The following CTIF variants were observed in gnomAD, a reference collection of about 807,000 sequenced individuals.
The protein encoded by CTIF is cap binding complex dependent translation initiation factor.
In CTIF, 21 loss-of-function variants were observed where a neutral mutation model predicts 66.0. The observed-to-expected ratio is 0.32, with a 90% CI of 0.23 to 0.46. CTIF has a LOEUF of 0.46. CTIF is among the 20% of genes least tolerant of loss of function. CTIF has a pLI of 1.00. For synonymous variants in CTIF, 345 were observed against 326.4 expected (o/e 1.06, Z -0.62); for missense variants, 739 against 812.7 (o/e 0.91, Z 1.10).
chr18:48,696,984 G>A (rs561507554), intron 6 of CTIF, among the ~76,000 whole-genome samples: 1 of 152,354 alleles, frequency 6.6e-6, no homozygotes, highest in East Asian at 1.9e-4. Flanking sequence ...TTTAACTGAA[G>A]GAGAGCTAGC....
chr18:48,597,063 G>A (rs919318007), intron 1 of CTIF, among the ~76,000 whole-genome samples: 20 of 152,208 alleles, frequency 1.3e-4, no homozygotes, highest in Admixed American at 6.5e-5. Context: ...ATGCTGAGTG[G>A]GTGGAATAAG....
chr18:48,798,446 C>T (rs2067977836), intron 9 of CTIF, among the ~76,000 whole-genome samples: 1 of 152,182 alleles, frequency 6.6e-6, no homozygotes, highest in Admixed American at 6.5e-5. Flanking sequence ...CTGTTCTCTA[C>T]AAGTGGGAAA....
chr18:48,778,104 C>A (rs933095250), intron 9 of CTIF, among the ~76,000 whole-genome samples: 2 of 152,044 alleles, frequency 1.3e-5, no homozygotes, highest in Non-Finnish European at 2.9e-5. Context: ...TAGCAGCCAC[C>A]CGTTAGGATG....
intron 9 of CTIF, among the ~76,000 whole-genome samples, chr18:48,768,697 G>A (rs1909817625): frequency 6.6e-6 from 1 of 152,094 alleles, no homozygotes; most frequent in African/African-American, 2.4e-5. Context: ...ATTGCTTGAG[G>A]CCAGGAGTTT....
chr18:48,688,316 T>G (rs528890721), intron 6 of CTIF: 82 of 152,356 alleles, frequency 5.4e-4, no homozygotes, highest in African/African-American at 2.0e-3. Context: ...TGTTGTCACC[T>G]CAGCCCCTGA....
intron 3 of CTIF, among the ~76,000 whole-genome samples, chr18:48,652,530 T>A (rs2091175638): frequency 6.6e-6 from 1 of 152,160 alleles, no homozygotes; most frequent in Admixed American, 6.5e-5. Context: ...GCCAGACAGA[T>A]TCACAGCTGA....
chr18:48,683,676 C>G (rs1440816021), intron 6 of CTIF, among the ~76,000 whole-genome samples: 3 of 152,188 alleles, frequency 2.0e-5, no homozygotes, highest in African/African-American at 7.2e-5. Flanking sequence ...AGGCCCTGCT[C>G]TCTCTCCAGA....
intron 2 of CTIF, among the ~76,000 whole-genome samples, chr18:48,623,906 CAGAT>C (rs962755894): frequency 2.4e-4 from 36 of 148,602 alleles, no homozygotes; most frequent in African/African-American, 9.2e-4. Context: ...GATAGACAGA[CAGAT>C]AGATAATACA....
chr18:48,837,527 C>G (rs1271681575), intron 10 of CTIF, among the ~76,000 whole-genome samples: 1 of 152,088 alleles, frequency 6.6e-6, no homozygotes, highest in African/African-American at 2.4e-5. Flanking sequence ...GCACCTGAGC[C>G]TGGGTGAGCC....
rs2069516742 is a variant in CTIF, at chr18:48,863,136, C to G, written c.*3577C>G. The G allele has an allele frequency of 6.6e-6, 1 of 152,276 alleles. No individual in the cohort carries two copies. The highest frequency in any genetic ancestry group is 1.5e-5 in the Non-Finnish European group (1 of 68,058). The allele number at this position is 152,276 out of a possible 1,614,324, so 9.4% of individuals were successfully genotyped here. On this transcript the variant is annotated 3_prime_UTR_variant, in exon 12 of 12. Transcript: ENST00000256413. ...AACCCCGCTAGTGCGACCACCCTCCCTCCGTCGGTATGTCCTGCTTTCCAG... is the reference window on the plus strand; with the variant it reads ...AACCCCGCTAGTGCGACCACCCTCCGTCCGTCGGTATGTCCTGCTTTCCAG...
chr18:48,571,730 C>A (rs1409030482), intron 1 of CTIF, among the ~76,000 whole-genome samples: 1 of 152,028 alleles, frequency 6.6e-6, no homozygotes. Context: ...GGGTGGTTCC[C>A]AGTCTTTTGC....
At position 48,591,963 on chromosome 18, in the gene CTIF, G is replaced by T. The variant is rs144442636; in HGVS notation, c.-28-27575G>T. ...GATGGGATCTCACTTTGCTGCCCCAGCTGGTCTCAAGTTCCTGGCTGCAAG... is the reference window on the plus strand; with the variant it reads ...GATGGGATCTCACTTTGCTGCCCCATCTGGTCTCAAGTTCCTGGCTGCAAG... On this transcript the variant is annotated intron_variant, in intron 1 of 11. Transcript: ENST00000256413. Among the ~76,000 whole-genome samples the T allele has an allele frequency of 6.6e-3, 1,000 of 152,264 alleles. 5 individuals are homozygous for T. The highest frequency in any genetic ancestry group is 0.011 in the Non-Finnish European group (729 of 68,014).
intron 7 of CTIF, among the ~76,000 whole-genome samples, chr18:48,717,996 C>T (rs921347617): frequency 6.6e-6 from 1 of 152,228 alleles, no homozygotes; most frequent in South Asian, 2.1e-4. Flanking sequence ...CTCCCGTCAA[C>T]CTTCCAAGTA....
In CTIF at chr18:48,659,405, T is replaced by C. The variant is rs184171460; in HGVS notation, c.253-4347T>C. Among the ~76,000 whole-genome samples, 198 of 152,290 alleles carry C rather than the reference T, an allele frequency of 1.3e-3. 1 individual carries two copies. Among genetic ancestry groups the C allele is most frequent in the Non-Finnish European group, 2.3e-3 (156 of 68,014 alleles). On this transcript the variant is annotated intron_variant, in intron 3 of 11. Coordinates refer to ENST00000256413, the MANE Select transcript of CTIF (RefSeq NM_014772.3). ...TCAGCGGCTGGGGTCCTCATTCTTC[T>C]CAGTGCTGTCACCTCCACCTGCTGC...
intron 10 of CTIF, among the ~76,000 whole-genome samples, chr18:48,845,481 T>C (rs2069050411): frequency 6.6e-6 from 1 of 152,218 alleles, no homozygotes. Context: ...TGCTTAACTC[T>C]CTGACCACCC....
intron 9 of CTIF, among the ~76,000 whole-genome samples, chr18:48,773,099 A>G (rs1266906570): frequency 2.0e-5 from 3 of 152,208 alleles, no homozygotes; most frequent in Non-Finnish European, 4.4e-5. Context: ...TCAGGGAGCC[A>G]TTGTGGGTTC....
intron 9 of CTIF, among the ~76,000 whole-genome samples, chr18:48,797,946 G>A (rs1690151745): frequency 6.6e-6 from 1 of 152,142 alleles, no homozygotes; most frequent in African/African-American, 2.4e-5. Context: ...GCCAGTAGCA[G>A]GTGGAGAGAG....
At chr18:48,738,818 G>A (rs2092527902) in intron 7 of CTIF, among the ~76,000 whole-genome samples, 1 of 152,226 alleles carries the variant, frequency 6.6e-6, no homozygotes, top group African/African-American at 2.4e-5. Context: ...CCTGGCATGA[G>A]TAAATGCTCA....
At chr18:48,729,878 C>A (rs2092422248) in intron 7 of CTIF, among the ~76,000 whole-genome samples, 1 of 152,184 alleles carries the variant, frequency 6.6e-6, no homozygotes, top group South Asian at 2.1e-4. Flanking sequence ...AGTGGTGGGA[C>A]AGTGGCGATG....
Sources: allele counts gnomAD v4.1 joint callset (sites outside exome capture counted in the v4.1 genomes callset), GRCh38; gene constraint gnomAD v4.1.1; transcripts MANE v1.5; gene names NCBI Gene and HGNC (gene_info 2026-07-23, HGNC 2026-07-21).